Variants in MOB3B observed in about 807,000 individuals in gnomAD.
The protein encoded by MOB3B is MOB kinase activator 3B, also known as MOB kinase activator-like 2B.
MOB3B carries 7 observed loss-of-function variants against 18.7 expected under a neutral mutation model. That is an observed-to-expected ratio of 0.37 (90% CI 0.21 to 0.70). MOB3B has a LOEUF of 0.70. Among genes scored for constraint, MOB3B ranks in the 30% least tolerant of loss-of-function variants. The pLI is 0.52. For synonymous variants in MOB3B, 111 were observed against 99.9 expected (o/e 1.11, Z -0.66); for missense variants, 253 against 281.3 (o/e 0.90, Z 0.72).
intron 1 of MOB3B, among the ~76,000 whole-genome samples, chr9:27,506,882 A>G (rs1407279069): frequency 1.5e-5 from 2 of 129,852 alleles, no homozygotes; most frequent in South Asian, 2.4e-4. Context: ...GGGTTTCACC[A>G]TCTTGGCCAG....
chr9:27,374,291 C>A (rs1406905876), intron 2 of MOB3B, among the ~76,000 whole-genome samples: 1 of 151,298 alleles, frequency 6.6e-6, no homozygotes, highest in Non-Finnish European at 1.5e-5. Context: ...GGTGGTGAAG[C>A]TGGATTTAAA....
chr9:27,388,275 CT>C (rs1821674182), intron 2 of MOB3B, among the ~76,000 whole-genome samples: 2 of 152,130 alleles, frequency 1.3e-5, no homozygotes, highest in Non-Finnish European at 2.9e-5. Flanking sequence ...ATGTAGGAGG[CT>C]ACTCTGGTGA....
intron 2 of MOB3B, among the ~76,000 whole-genome samples, chr9:27,418,577 A>G (rs1822192044): frequency 6.6e-6 from 1 of 152,250 alleles, no homozygotes; most frequent in Non-Finnish European, 1.5e-5. Context: ...AATTAAAAAC[A>G]AAAATCATAT....
intron 3 of MOB3B, among the ~76,000 whole-genome samples, chr9:27,334,568 T>C (rs534517145): frequency 2.9e-4 from 44 of 152,348 alleles, no homozygotes; most frequent in African/African-American, 1.0e-3. Context: ...ATGTACTTGT[T>C]AGCAGTTGGA....
intron 3 of MOB3B, among the ~76,000 whole-genome samples, chr9:27,346,075 C>T (rs1251820042): frequency 1.3e-5 from 2 of 152,152 alleles, no homozygotes; most frequent in East Asian, 3.8e-4. Context: ...TGATGAGGAT[C>T]CACCCTCATG....
At position 27,328,792 on chromosome 9, in the gene MOB3B, G is replaced by A. The variant is rs1820745990; in HGVS notation, c.*1795C>T. ...TTAGGGGCTCTTGTTTCTGTTCTCT[G>A]GATCTCTGTGATGGTCAGATATTCT... On this transcript the variant is annotated 3_prime_UTR_variant, in exon 4 of 4. Coordinates refer to ENST00000262244, the MANE Select transcript of MOB3B (RefSeq NM_024761.5). 1 of 152,546 alleles carries A rather than the reference G, an allele frequency of 6.6e-6. No homozygotes were observed. Among genetic ancestry groups the A allele is most frequent in the Non-Finnish European group, 1.5e-5 (1 of 68,056 alleles). The allele number at this position is 152,546 out of a possible 1,614,324, so 9.4% of individuals were successfully genotyped here.
rs11310943 is a variant in MOB3B at position 27,440,379 on chromosome 9, C to CT, written c.418+14753dup. 3.2e-3 allele frequency among the ~76,000 whole-genome samples: 456 copies of CT among 143,610 alleles called. 3 individuals carry two copies. The highest frequency in any genetic ancestry group is 6.7e-3 in the East Asian group (33 of 4,924). 94.2% of individuals were successfully genotyped at this position (143,610 alleles called of 152,430 possible). On this transcript the variant is annotated intron_variant, in intron 2 of 3. Coordinates refer to ENST00000262244, the MANE Select transcript of MOB3B (RefSeq NM_024761.5). ...ACAAATACTTTCTAAATGATTCCTT[C>CT]TTTTTTTTTTTTTTCCATAATAGCT...
chr9:27,498,186 C>T (rs1819929860), intron 1 of MOB3B, among the ~76,000 whole-genome samples: 2 of 152,076 alleles, frequency 1.3e-5, no homozygotes, highest in African/African-American at 4.8e-5. Context: ...ACTCCAAAAG[C>T]GCAGAAAATA....
At chr9:27,379,890 G>A (rs922713410) in intron 2 of MOB3B, among the ~76,000 whole-genome samples, 3 of 152,102 alleles carry the variant, frequency 2.0e-5, no homozygotes, top group South Asian at 2.1e-4. Context: ...AGTGTACCTA[G>A]GTAAATCTTA....
At chr9:27,425,431 T>C (rs905944498) in intron 2 of MOB3B, among the ~76,000 whole-genome samples, 5 of 150,386 alleles carry the variant, frequency 3.3e-5, no homozygotes, top group Non-Finnish European at 7.4e-5. Flanking sequence ...TGGGGGCAGA[T>C]CTGTTTCTAA....
chr9:27,360,616 C>T (rs562951807), intron 2 of MOB3B, among the ~76,000 whole-genome samples: 111 of 152,336 alleles, frequency 7.3e-4, no homozygotes, highest in African/African-American at 2.5e-3. Flanking sequence ...ACGGCACATG[C>T]CCCAAGTCCC....
rs531382673 is a variant in MOB3B, at chr9:27,415,423, T to A, written c.418+39710A>T. ...TGATATATGGGAACTATGTACTTTT[T>A]TTTTTTAGAACTTATCTGTAAGTCT... On this transcript the variant is annotated intron_variant, in intron 2 of 3. Transcript: ENST00000262244. Among the ~76,000 whole-genome samples, 44 of 152,108 alleles carry A rather than the reference T, an allele frequency of 2.9e-4. 1 individual carries two copies. Among genetic ancestry groups the A allele is most frequent in the Admixed American group, 2.4e-3 (36 of 15,254 alleles).
intron 1 of MOB3B, among the ~76,000 whole-genome samples, chr9:27,514,989 A>C (rs1338934369): frequency 6.6e-6 from 1 of 152,214 alleles, no homozygotes; most frequent in African/African-American, 2.4e-5. Context: ...ACTCAGTACC[A>C]AGAGAAGCTT....
intron 2 of MOB3B, among the ~76,000 whole-genome samples, chr9:27,429,062 T>C (rs1180562862): frequency 6.6e-5 from 10 of 152,224 alleles, no homozygotes; most frequent in Non-Finnish European, 1.2e-4. Flanking sequence ...TCAATCTATA[T>C]GTAACCCCCA....
At chr9:27,523,472 AAAAAG>A (rs1416304187) in intron 1 of MOB3B, among the ~76,000 whole-genome samples, 4 of 152,166 alleles carry the variant, frequency 2.6e-5, no homozygotes, top group South Asian at 2.1e-4. Context: ...ACCAAAAAAA[AAAAAG>A]AAAAGAAAAG....
intron 2 of MOB3B, among the ~76,000 whole-genome samples, chr9:27,425,912 T>G (rs114046192): frequency 6.6e-6 from 1 of 151,968 alleles, no homozygotes; most frequent in Admixed American, 6.6e-5. Flanking sequence ...AAGTCATAGG[T>G]AAGGAAGGAA....
chr9:27,338,524 T>C (rs551043332), intron 3 of MOB3B, among the ~76,000 whole-genome samples: 69 of 152,128 alleles, frequency 4.5e-4, no homozygotes, highest in African/African-American at 1.6e-3. Flanking sequence ...AACATCAGGC[T>C]GCTTGCTGCA....
intron 2 of MOB3B, among the ~76,000 whole-genome samples, chr9:27,428,022 G>T (rs1193011080): frequency 6.6e-6 from 1 of 152,162 alleles, no homozygotes; most frequent in Non-Finnish European, 1.5e-5. Context: ...TCCCCAGTTT[G>T]TTCCAGTTTA....
At chr9:27,452,635 T>C (rs1822806977) in intron 2 of MOB3B, among the ~76,000 whole-genome samples, 2 of 152,140 alleles carry the variant, frequency 1.3e-5, no homozygotes, top group Admixed American at 6.5e-5. Context: ...AACAGGTATA[T>C]GAATGAATAA....
Sources: gnomAD v4.1 joint callset for allele counts (sites outside exome capture counted in the v4.1 genomes callset) on GRCh38, gnomAD v4.1.1 for gene constraint, MANE v1.5 for transcripts, NCBI Gene and HGNC (gene_info 2026-07-23, HGNC 2026-07-21) for gene names.